Variants in TRDMT1 observed in about 807,000 individuals in gnomAD.
TRDMT1 encodes tRNA (cytosine(38)-C(5))-methyltransferase.
A neutral mutation model predicts 51.2 loss-of-function variants in TRDMT1; 49 were observed. That is an observed-to-expected ratio of 0.96 (90% CI 0.76 to 1.21). The LOEUF (loss-of-function observed/expected upper bound fraction) is 1.21. Ranked by LOEUF, TRDMT1 falls within the 50% of genes most tolerant of loss-of-function variation. TRDMT1 has a pLI of 0.00. For synonymous variants in TRDMT1, 187 were observed against 164.6 expected (o/e 1.14, Z -1.04); for missense variants, 534 against 462.3 (o/e 1.16, Z -1.42).
intron 1 of TRDMT1, among the ~76,000 whole-genome samples, chr10:17,175,521 G>C (rs1842518122): frequency 6.6e-6 from 1 of 152,142 alleles, no homozygotes; most frequent in African/African-American, 2.4e-5. Context: ...TCAGGAGAAA[G>C]TGTGAAGTTT....
chr10:17,188,347 C>T (rs762849385), intron 1 of TRDMT1, among the ~76,000 whole-genome samples: 3 of 152,074 alleles, frequency 2.0e-5, no homozygotes, highest in Non-Finnish European at 4.4e-5. Context: ...AACCTTTTAC[C>T]AACCCTGTCA....
chr10:17,161,183 C>T lies in TRDMT1; in HGVS notation c.389+300G>A, dbSNP rs865847242. On this transcript the variant is annotated intron_variant, in intron 5 of 10. Coordinates refer to ENST00000377799, the MANE Select transcript of TRDMT1 (RefSeq NM_004412.7). ...ATTCTTACTGAAAACATTTCTACTT[C>T]CACAGAAATAAGCACCAATATAAAT... 4.6e-5 allele frequency among the ~76,000 whole-genome samples: 7 copies of T among 152,280 alleles called. No homozygotes were observed. In the South Asian group the frequency reaches 6.2e-4, roughly 14 times the overall value.
chr10:17,157,840 A>G (rs1418051367), intron 7 of TRDMT1, 56 bp from the exon 8 acceptor site: 1 of 1,319,680 alleles, frequency 7.6e-7, no homozygotes, highest in Non-Finnish European at 1.0e-6. Flanking sequence ...AATAAGAGAA[A>G]TTAACAATGT....
chr10:17,199,762 G>C (rs1038914650), intron 1 of TRDMT1, among the ~76,000 whole-genome samples: 1 of 152,212 alleles, frequency 6.6e-6, no homozygotes, highest in Non-Finnish European at 1.5e-5. Flanking sequence ...AGGCAGAATG[G>C]AAGTAAGGAG....
intron 1 of TRDMT1, among the ~76,000 whole-genome samples, chr10:17,188,292 G>A (rs1355385991): frequency 6.6e-6 from 1 of 152,152 alleles, no homozygotes; most frequent in Non-Finnish European, 1.5e-5. Context: ...AAAAAATAGA[G>A]AAAGGATTTA....
In TRDMT1 at chr10:17,149,107, T is replaced by TA; in HGVS notation, c.1108dup (p.Tyr370LeufsTer7). 2 of 1,611,730 alleles carry TA rather than the reference T, an allele frequency of 1.2e-6. No homozygotes were observed. Among genetic ancestry groups the TA allele is most frequent in the Middle Eastern group, 3.7e-4 (2 of 5,438 alleles). On this transcript the variant is annotated frameshift_variant, in exon 11 of 11. Coordinates refer to ENST00000377799, the MANE Select transcript of TRDMT1 (RefSeq NM_004412.7). LOFTEE classifies it high-confidence loss of function. ...GTTGAGACTATTTCCAAGTAGGCGA[T>TA]AACGCTGTTTCACTGTTATCTTCTC...
chr10:17,148,420 A>C lies in TRDMT1; in HGVS notation c.*620T>G, dbSNP rs1030390615. ...TTTGTCCTTCAGATAGAGGCTGAGG[A>C]AAATGTAGATAATGTGCACCAACAG... On this transcript the variant is annotated 3_prime_UTR_variant, in exon 11 of 11. Coordinates refer to ENST00000377799, the MANE Select transcript of TRDMT1 (RefSeq NM_004412.7). 2.0e-5 allele frequency: 20 copies of C among 985,350 alleles called. 1 individual carries two copies. In the Admixed American group the frequency reaches 7.4e-4, roughly 36 times the overall value. The allele number at this position is 985,350 out of a possible 1,614,324, so 61.0% of individuals were successfully genotyped here. A position where few individuals can be genotyped will look rare whatever the true frequency, so the allele number is the denominator to read the frequency against.
At chr10:17,196,953 G>A (rs1845528178) in intron 1 of TRDMT1, among the ~76,000 whole-genome samples, 1 of 152,156 alleles carries the variant, frequency 6.6e-6, no homozygotes, top group Non-Finnish European at 1.5e-5. Context: ...AGGGAAAACT[G>A]CGACAGCACT....
intron 8 of TRDMT1, among the ~76,000 whole-genome samples, chr10:17,155,220 AT>A (rs112423148): frequency 0.14 from 20,832 of 152,164 alleles, 1,519 homozygotes; most frequent in Admixed American, 0.17. Context: ...TCTCAAAAAA[AT>A]GATAATAAAT....
At chr10:17,192,220 A>G (rs952731401) in intron 1 of TRDMT1, among the ~76,000 whole-genome samples, 2 of 152,126 alleles carry the variant, frequency 1.3e-5, no homozygotes, top group Non-Finnish European at 2.9e-5. Context: ...AAGAAACAAG[A>G]TGACTCCAAG....
intron 10 of TRDMT1, chr10:17,150,994 T>TATGTGTGTGTGC (rs1838629242): frequency 1.0e-6 from 1 of 984,728 alleles, no homozygotes; most frequent in African/African-American, 1.7e-5. Flanking sequence ...AAATTATATC[T>TATGTGTGTGTGC]ATGTGTGTGT....
intron 1 of TRDMT1, among the ~76,000 whole-genome samples, chr10:17,185,072 C>T (rs983813306): frequency 6.6e-6 from 1 of 151,978 alleles, no homozygotes; most frequent in African/African-American, 2.4e-5. Flanking sequence ...ATAAAGTACC[C>T]GCACCATAGA....
At chr10:17,166,225 A>G (rs972667597) in intron 3 of TRDMT1, among the ~76,000 whole-genome samples, 2 of 152,082 alleles carry the variant, frequency 1.3e-5, no homozygotes, top group Non-Finnish European at 2.9e-5. Flanking sequence ...TTGTAGGGAC[A>G]TGGATGAAGC....
chr10:17,162,995 T>C (rs934709459), intron 3 of TRDMT1, among the ~76,000 whole-genome samples: 11 of 151,916 alleles, frequency 7.2e-5, no homozygotes, highest in Admixed American at 2.0e-4. Flanking sequence ...GTAACCAGAG[T>C]TCAGAGGAAC....
chr10:17,149,997 TA>T (rs1052890257), intron 10 of TRDMT1, among the ~76,000 whole-genome samples: 2 of 151,922 alleles, frequency 1.3e-5, no homozygotes, highest in East Asian at 1.9e-4. Context: ...GATATATACA[TA>T]GGGGTGAAAC....
chr10:17,167,345 C>T lies in TRDMT1; in HGVS notation c.251+1496G>A, dbSNP rs1395349986. Among the ~76,000 whole-genome samples the T allele has an allele frequency of 2.0e-5, 3 of 152,230 alleles. No individual in the cohort carries two copies. In the East Asian group the frequency reaches 5.8e-4, roughly 29 times the overall value. ...ATCATGGAATATATAAAATGATTAA[C>T]AAATCTTGGCTCTGACATTCTTTAA... On this transcript the variant is annotated intron_variant, in intron 3 of 10. Coordinates refer to ENST00000377799, the MANE Select transcript of TRDMT1 (RefSeq NM_004412.7).
chr10:17,160,198 T>C, intron 6 of TRDMT1, 107 bp downstream of exon 6: 1 of 658,090 alleles, frequency 1.5e-6, no homozygotes, highest in Non-Finnish European at 2.4e-6. Flanking sequence ...AGTTTACCTA[T>C]AATATTATCC....
chr10:17,197,011 A>T (rs1358378806), intron 1 of TRDMT1, among the ~76,000 whole-genome samples: 1 of 152,204 alleles, frequency 6.6e-6, no homozygotes. Context: ...TGATGTCGGG[A>T]TAAAGCTTCA....
intron 1 of TRDMT1, among the ~76,000 whole-genome samples, chr10:17,198,471 A>G (rs1367786018): frequency 2.6e-5 from 4 of 152,254 alleles, no homozygotes; most frequent in Non-Finnish European, 5.9e-5. Context: ...TTCAACCACA[A>G]AAAGAACTGA....
Sources: gnomAD v4.1 joint callset for allele counts (sites outside exome capture counted in the v4.1 genomes callset) on GRCh38, gnomAD v4.1.1 for gene constraint, MANE v1.5 for transcripts, NCBI Gene and HGNC (gene_info 2026-07-23, HGNC 2026-07-21) for gene names.